Variants in SLC2A9 observed in about 807,000 individuals in gnomAD.
SLC2A9 encodes solute carrier family 2, facilitated glucose transporter member 9.
SLC2A9 carries 39 observed loss-of-function variants against 50.6 expected under a neutral mutation model. The ratio of observed to expected loss-of-function variants is 0.77; its 90% CI spans 0.60 to 1.01. The LOEUF is 1.01. SLC2A9 is among the 50% of genes least tolerant of loss of function. The pLI, the probability that SLC2A9 is intolerant of heterozygous loss-of-function variation, is 0.00. For missense variants in SLC2A9, 686 were observed against 677.6 expected (o/e 1.01, Z -0.14); for synonymous variants, 324 against 276.9 (o/e 1.17, Z -1.69).
At chr4:9,963,103 T>C (rs1256085557) in intron 5 of SLC2A9, among the ~76,000 whole-genome samples, 2 of 152,184 alleles carry the variant, frequency 1.3e-5, no homozygotes, top group Non-Finnish European at 2.9e-5. Context: ...CTCACAATCA[T>C]GGCCAAAGGC....
chr4:9,854,171 A>C (rs780206737), intron 10 of SLC2A9, among the ~76,000 whole-genome samples: 1 of 152,204 alleles, frequency 6.6e-6, no homozygotes, highest in African/African-American at 2.4e-5. Context: ...CACACACACA[A>C]AAAATACAAA....
chr4:9,826,120 T>A, downstream of SLC2A9: 2 of 441,960 alleles, frequency 4.5e-6, no homozygotes, highest in Non-Finnish European at 8.2e-6. Context: ...GTCATCTACC[T>A]ATATAGAAGA....
intron 3 of SLC2A9, among the ~76,000 whole-genome samples, chr4:9,802,203 T>C (rs1266365836): frequency 6.6e-6 from 1 of 152,086 alleles, no homozygotes; most frequent in Non-Finnish European, 1.5e-5. Flanking sequence ...TATGTGTACA[T>C]ATTTGATTAG....
upstream of SLC2A9, among the ~76,000 whole-genome samples, chr4:10,023,661 C>T (rs1314869171): frequency 6.6e-6 from 1 of 152,234 alleles, no homozygotes; most frequent in East Asian, 1.9e-4. Context: ...AACCAGGGTT[C>T]CTGGTAGCCA....
Position 9,980,716 on chromosome 4 carries a change from G to C in SLC2A9, c.557C>G (p.Pro186Arg). ...GGGTGAGATCTCACTAAGGTACATG[G>C]GGAGCACACTGAGGGCGACGCCTGT... ...IDGGVALSVL[P>R]MYLSEISPKE... Residue 186 changes from proline (P) to arginine (R), a missense_variant, in exon 5 of 12, where the codon CCC becomes CGC. Coordinates refer to ENST00000264784, the MANE Select transcript of SLC2A9 (RefSeq NM_020041.3). 6.2e-7 allele frequency: 1 copy of C among 1,614,160 alleles called. No individual in the cohort carries two copies. Among genetic ancestry groups the C allele is most frequent in the Non-Finnish European group, 8.5e-7 (1 of 1,180,006 alleles).
intron 5 of SLC2A9, among the ~76,000 whole-genome samples, chr4:9,949,956 T>C (rs1749917260): frequency 6.6e-6 from 1 of 152,202 alleles, no homozygotes; most frequent in Non-Finnish European, 1.5e-5. Context: ...TGGAGCTTCT[T>C]TGACCTTACC....
downstream of SLC2A9, among the ~76,000 whole-genome samples, chr4:9,776,871 C>T (rs1717641063): frequency 6.6e-6 from 1 of 152,126 alleles, no homozygotes; most frequent in South Asian, 2.1e-4. Flanking sequence ...GGCAACAGGG[C>T]TCACCTCCTC....
chr4:9,802,088 T>C (rs1721486953), intron 3 of SLC2A9, among the ~76,000 whole-genome samples: 1 of 152,098 alleles, frequency 6.6e-6, no homozygotes, highest in Non-Finnish European at 1.5e-5. Flanking sequence ...TGTTCCTGCT[T>C]CTCCAATGAT....
intron 3 of SLC2A9, among the ~76,000 whole-genome samples, chr4:9,780,363 G>A (rs1718166330): frequency 6.6e-6 from 1 of 152,154 alleles, no homozygotes; most frequent in Non-Finnish European, 1.5e-5. Flanking sequence ...CCAGAGGTGA[G>A]GATGGCCCTT....
intron 8 of SLC2A9, among the ~76,000 whole-genome samples, chr4:9,891,553 C>G (rs1343040680): frequency 2.0e-5 from 3 of 152,120 alleles, no homozygotes; most frequent in Non-Finnish European, 2.9e-5. Flanking sequence ...AGACTGCACT[C>G]AACACACAGG....
At chr4:9,807,130 GTGACTATGGAAAAGAGGGGC>G (rs1722230715) in intron 3 of SLC2A9, among the ~76,000 whole-genome samples, 1 of 152,092 alleles carries the variant, frequency 6.6e-6, no homozygotes, top group Non-Finnish European at 1.5e-5. Context: ...AGGAGATGCC[GTGACTATGGAAAAGAGGGGC>G]TGACACTTCC....
downstream of SLC2A9, among the ~76,000 whole-genome samples, chr4:9,775,052 C>A (rs569368171): frequency 6.6e-6 from 1 of 152,304 alleles, no homozygotes; most frequent in Admixed American, 6.5e-5. Flanking sequence ...GAGAATTCAG[C>A]ATAATGACGG....
chr4:9,982,729 C>T (rs1305291527), intron 4 of SLC2A9, among the ~76,000 whole-genome samples: 2 of 152,202 alleles, frequency 1.3e-5, no homozygotes, highest in African/African-American at 4.8e-5. Flanking sequence ...AACCCAAATC[C>T]TAGATCTGTA....
downstream of SLC2A9, among the ~76,000 whole-genome samples, chr4:9,798,025 G>T (rs1474634611): frequency 6.6e-6 from 1 of 152,228 alleles, no homozygotes; most frequent in African/African-American, 2.4e-5. Context: ...ATGGATAGAG[G>T]CTGCTGGGTC....
chr4:9,885,618 A>C (rs539059142), intron 10 of SLC2A9, among the ~76,000 whole-genome samples: 1 of 152,304 alleles, frequency 6.6e-6, no homozygotes, highest in Admixed American at 6.5e-5. Context: ...CCTCTCTAAC[A>C]AGTACTTGTG....
At chr4:9,966,149 T>C (rs1753014456) in intron 5 of SLC2A9, among the ~76,000 whole-genome samples, 2 of 152,168 alleles carry the variant, frequency 1.3e-5, no homozygotes, top group Non-Finnish European at 2.9e-5. Context: ...GTGAGACTAA[T>C]GCCCTTGTGC....
chr4:9,907,490 T>C (rs1740901624), intron 8 of SLC2A9, among the ~76,000 whole-genome samples: 1 of 152,242 alleles, frequency 6.6e-6, no homozygotes, highest in African/African-American at 2.4e-5. Context: ...ACATATTGGC[T>C]TATTATTAAG....
intron 3 of SLC2A9, chr4:9,799,309 T>TATTG (rs1721009030): frequency 1.3e-5 from 2 of 151,984 alleles, no homozygotes; most frequent in Admixed American, 1.3e-4. Flanking sequence ...TTTATTTATT[T>TATTG]ATTTTTGCAG....
At chr4:9,789,938 G>A (rs988659977) in intron 3 of SLC2A9, among the ~76,000 whole-genome samples, 2 of 152,176 alleles carry the variant, frequency 1.3e-5, no homozygotes, top group African/African-American at 4.8e-5. Flanking sequence ...GAATAAAGAA[G>A]ACAACCAGCA....
Sources: gnomAD v4.1 joint callset for allele counts (sites outside exome capture counted in the v4.1 genomes callset) on GRCh38, gnomAD v4.1.1 for gene constraint, MANE v1.5 for transcripts, NCBI Gene and HGNC (gene_info 2026-07-23, HGNC 2026-07-21) for gene names.